The following RBM33 variants were observed in gnomAD, a reference collection of about 807,000 sequenced individuals.
RBM33 encodes RNA-binding protein 33.
RBM33 carries 28 observed loss-of-function variants against 132.6 expected under a neutral mutation model. That is an observed-to-expected ratio of 0.21 (90% CI 0.16 to 0.29). The LOEUF is 0.29. Among genes scored for constraint, RBM33 ranks in the 10% least tolerant of loss-of-function variants. The pLI is 1.00. For synonymous variants in RBM33, 634 were observed against 593.0 expected (o/e 1.07, Z -1.01); for missense variants, 1,291 against 1,518.5 (o/e 0.85, Z 2.49).
rs745806449 is a variant in RBM33 at position 155,774,920 on chromosome 7, G to A, written c.3465-73G>A. 106 of 1,441,246 alleles carry A rather than the reference G, an allele frequency of 7.4e-5. No individual in the cohort carries two copies. Among genetic ancestry groups the A allele is most frequent in the Non-Finnish European group, 9.2e-5 (94 of 1,025,166 alleles). 89.3% of individuals were successfully genotyped at this position (1,441,246 alleles called of 1,614,324 possible). A position where few individuals can be genotyped will look rare whatever the true frequency, so the allele number is the denominator to read the frequency against. On this transcript the variant is annotated intron_variant, in intron 17 of 17. Coordinates refer to ENST00000401878, the MANE Select transcript of RBM33 (RefSeq NM_053043.3). The surrounding 1 kb of genome is among the most constrained non-coding windows in gnomAD (Gnocchi z 4.2). Reference sequence around the variant, plus strand: ...AAACAGGACCCACCGGGCTCTTTTAGTTTCCTCCCACCTTGGTAGGTTGAT... The same window carrying A: ...AAACAGGACCCACCGGGCTCTTTTAATTTCCTCCCACCTTGGTAGGTTGAT...
chr7:155,661,551 G>A (rs1053736779), intron 1 of RBM33, among the ~76,000 whole-genome samples: 3 of 151,976 alleles, frequency 2.0e-5, no homozygotes, highest in Admixed American at 2.0e-4. Flanking sequence ...GGGATTACAG[G>A]TGTGTGCCAT....
At chr7:155,665,755 C>G (rs2116892526) in intron 2 of RBM33, among the ~76,000 whole-genome samples, 1 of 152,182 alleles carries the variant, frequency 6.6e-6, no homozygotes, top group South Asian at 2.1e-4. Context: ...ATTTAAAAAT[C>G]CACAGTGATG....
chr7:155,649,137 T>C (rs1418379225), intron 1 of RBM33, among the ~76,000 whole-genome samples: 1 of 152,232 alleles, frequency 6.6e-6, no homozygotes, highest in Non-Finnish European at 1.5e-5. Context: ...CATAGATTGG[T>C]ACTTTTAATG....
At position 155,763,997 on chromosome 7, in the gene RBM33, A is replaced by G. The variant is rs570801567; in HGVS notation, c.3165A>G (p.Gln1055=). 5 of 1,563,438 alleles carry G rather than the reference A, an allele frequency of 3.2e-6. No individual in the cohort carries two copies. The African/African-American group carries it at 5.4e-5, about 17-fold the overall frequency. ...TCCCTCCAGGGATCAAAAGCATCCA[A>G]GGAATTCACCCGGCGAAGAAGGTAC... ...SPVPPGIKSI[Q]GIHPAKKAIM... Residue 1055 remains glutamine (Q), a synonymous_variant, in exon 15 of 18, where the codon CAA becomes CAG. Transcript: ENST00000401878.
In RBM33 at chr7:155,739,876, C is replaced by A. The variant is rs1297198805; in HGVS notation, c.1899C>A (p.His633Gln). 3 of 1,545,794 alleles carry A rather than the reference C, an allele frequency of 1.9e-6. No homozygotes were observed. The South Asian group carries it at 3.6e-5, about 18-fold the overall frequency. The change falls in exon 12 of 18, where the codon CAC becomes CAA. Residue 633 changes from histidine to glutamine, a missense_variant. His to Gln is a conservative substitution (Grantham distance 24, BLOSUM62 0). Around this residue, in one of 7 missense-constraint regions of RBM33, gnomAD observed 841 missense variants for 912.0 expected, o/e 0.92. Coordinates refer to ENST00000401878, the MANE Select transcript of RBM33 (RefSeq NM_053043.3). Reference sequence around the variant, plus strand: ...ACCCACCACAGCACCCGCCGCAGCACCAGCACCACCACCACCACCACCACC... The same window carrying A: ...ACCCACCACAGCACCCGCCGCAGCAACAGCACCACCACCACCACCACCACC... ...PQHPPQHPPQ[H>Q]QHHHHHHHLS...
At chr7:155,673,757 CGCGCAT>C (rs1392140692) in intron 3 of RBM33, among the ~76,000 whole-genome samples, 2 of 90,680 alleles carry the variant, frequency 2.2e-5, no homozygotes, top group Admixed American at 1.1e-4. Context: ...TGTATATACG[CGCGCAT>C]GCGCGCACAC....
At chr7:155,658,137 G>C (rs905540993) in intron 1 of RBM33, among the ~76,000 whole-genome samples, 1 of 152,034 alleles carries the variant, frequency 6.6e-6, no homozygotes, top group Admixed American at 6.6e-5. Context: ...CAATTTTGGT[G>C]TTCTGTTTCA....
At chr7:155,668,128 GTC>G (rs1462441393) in intron 2 of RBM33, among the ~76,000 whole-genome samples, 2 of 152,042 alleles carry the variant, frequency 1.3e-5, no homozygotes, top group African/African-American at 4.8e-5. Context: ...TTGTGTGTGT[GTC>G]TATGTATACG....
intron 5 of RBM33, among the ~76,000 whole-genome samples, chr7:155,698,429 A>G (rs1343956953): frequency 6.6e-6 from 1 of 152,170 alleles, no homozygotes; most frequent in Non-Finnish European, 1.5e-5. Context: ...TTTCTAAACC[A>G]TATGGTGAAG....
intron 1 of RBM33, among the ~76,000 whole-genome samples, chr7:155,654,010 TGCAATTTGGTACAGTCA>T (rs1461564266): frequency 6.6e-6 from 1 of 152,226 alleles, no homozygotes; most frequent in African/African-American, 2.4e-5. Context: ...AGTATGATTG[TGCAATTTGGTACAGTCA>T]GCAAGTCAAA....
At chr7:155,658,433 G>T (rs1322630454) in intron 1 of RBM33, among the ~76,000 whole-genome samples, 1 of 148,514 alleles carries the variant, frequency 6.7e-6, no homozygotes, top group Admixed American at 6.7e-5. Context: ...TGTCGCCCAG[G>T]CTGGAGTGCA....
chr7:155,737,353 C>CTGTGTGTGTGTGTGTGTGTG (rs59512454), intron 9 of RBM33, among the ~76,000 whole-genome samples, 177 bp from the exon 10 acceptor site: 37 of 142,944 alleles, frequency 2.6e-4, no homozygotes, highest in African/African-American at 9.0e-4. Flanking sequence ...ATGCATGACT[C>CTGTGTGTGTGTGTGTGTGTG]TGTGTGTGTG....
At chr7:155,731,251 C>A (rs1800948265) in intron 9 of RBM33, among the ~76,000 whole-genome samples, 1 of 152,176 alleles carries the variant, frequency 6.6e-6, no homozygotes, top group Non-Finnish European at 1.5e-5. Context: ...TATAAAGAGT[C>A]CTGCTGCAGC....
At chr7:155,723,526 A>G (rs1800686440) in intron 9 of RBM33, among the ~76,000 whole-genome samples, 1 of 152,246 alleles carries the variant, frequency 6.6e-6, no homozygotes, top group Non-Finnish European at 1.5e-5. Context: ...TGATTACCAT[A>G]CATTATCATA....
At chr7:155,754,466 G>C (rs936341230) in intron 14 of RBM33, among the ~76,000 whole-genome samples, 1 of 152,212 alleles carries the variant, frequency 6.6e-6, no homozygotes, top group Non-Finnish European at 1.5e-5. Flanking sequence ...GTGAGGGACT[G>C]TGTGGCTGGA....
intron 14 of RBM33, among the ~76,000 whole-genome samples, chr7:155,761,449 T>C (rs531786428): frequency 1.1e-4 from 17 of 152,346 alleles, no homozygotes; most frequent in African/African-American, 3.8e-4. Flanking sequence ...TTGTTTTTCT[T>C]TGTGAATGGT....
At position 155,680,695 on chromosome 7, in the gene RBM33, T is replaced by C; in HGVS notation, c.354T>C (p.Tyr118=). 2 of 1,612,768 alleles carry C rather than the reference T, an allele frequency of 1.2e-6. No individual in the cohort carries two copies. The highest frequency in any genetic ancestry group is 1.7e-6 in the Non-Finnish European group (2 of 1,179,388). ...NDQSGEQESE[Y]EQEQGEDELV... Reference sequence around the variant, plus strand: ...AATCTGGAGAACAGGAATCTGAGTATGAACAAGAACAAGGAGAGGATGAAC... The same window carrying C: ...AATCTGGAGAACAGGAATCTGAGTACGAACAAGAACAAGGAGAGGATGAAC... The change falls in exon 5 of 18, where the codon TAT becomes TAC. Residue 118 remains tyrosine, a synonymous_variant. Transcript: ENST00000401878.
chr7:155,684,760 C>T (rs1251912609), intron 5 of RBM33, among the ~76,000 whole-genome samples: 1 of 152,164 alleles, frequency 6.6e-6, no homozygotes, highest in Non-Finnish European at 1.5e-5. Context: ...TGCATTAACA[C>T]GCAGAGGAGG....
At chr7:155,771,820 A>T (rs1430578812) in intron 16 of RBM33, among the ~76,000 whole-genome samples, 1 of 152,022 alleles carries the variant, frequency 6.6e-6, no homozygotes, top group Non-Finnish European at 1.5e-5. Flanking sequence ...ATTCACTGCA[A>T]CCTCCACCTG....
Sources: allele counts gnomAD v4.1 joint callset (sites outside exome capture counted in the v4.1 genomes callset), GRCh38; gene constraint gnomAD v4.1.1; regional missense constraint gnomAD v4.1.1; non-coding constraint Gnocchi (gnomAD v3.1); transcripts MANE v1.5; gene names NCBI Gene and HGNC (gene_info 2026-07-23, HGNC 2026-07-21).